Variants in CLPB observed in about 807,000 individuals in gnomAD.
CLPB encodes mitochondrial disaggregase.
In CLPB, 40 loss-of-function variants were observed where a neutral mutation model predicts 78.4. That is an observed-to-expected ratio of 0.51 (90% CI 0.40 to 0.66). The LOEUF is 0.66. Ranked by LOEUF, CLPB falls within the 30% of genes least tolerant of loss-of-function variation. CLPB has a pLI of 0.00. For synonymous variants in CLPB, 333 were observed against 348.0 expected (o/e 0.96, Z 0.48); for missense variants, 780 against 886.9 (o/e 0.88, Z 1.53).
At chr11:72,297,636 G>GGTGTGTGTGTGTGTGTGTGTGTGTGT (rs67807556) in intron 11 of CLPB, among the ~76,000 whole-genome samples, 2 of 93,468 alleles carry the variant, frequency 2.1e-5, no homozygotes, top group Non-Finnish European at 2.5e-5. Flanking sequence ...TTGGGGACCA[G>GGTGTGTGTGTGTGTGTGTGTGTGTGT]GTGTGTGTGT....
At chr11:72,321,436 C>T (rs1950042063) in intron 6 of CLPB, among the ~76,000 whole-genome samples, 1 of 152,232 alleles carries the variant, frequency 6.6e-6, no homozygotes, top group South Asian at 2.1e-4. Flanking sequence ...TGGGTAATTG[C>T]AGTCACTGGT....
At chr11:72,346,912 C>T (rs563276654) in intron 5 of CLPB, among the ~76,000 whole-genome samples, 143 of 144,208 alleles carry the variant, frequency 9.9e-4, no homozygotes, top group Admixed American at 1.8e-3. Context: ...ACCCGGGAGA[C>T]GGAGGTTGCG....
intron 5 of CLPB, chr11:72,354,282 T>C (rs982160628): frequency 1.9e-5 from 7 of 366,996 alleles, no homozygotes; most frequent in Admixed American, 1.9e-4. Flanking sequence ...TGTGTGTATA[T>C]ATATATATAT....
intron 4 of CLPB, among the ~76,000 whole-genome samples, chr11:72,373,470 G>C (rs1388564826): frequency 1.4e-4 from 22 of 152,198 alleles, no homozygotes; most frequent in Non-Finnish European, 5.9e-5. Context: ...CATGGGTAGG[G>C]CTCAAGGCAC....
chr11:72,329,750 C>A lies in CLPB; in HGVS notation c.830G>T (p.Arg277Leu), dbSNP rs377401155. Residue 277 changes from arginine to leucine, a missense_variant, in exon 6 of 16, where the codon CGA becomes CTA. Transcript: ENST00000538039. ...EMGHTPLDYAREGEVMKLLRT... is the reference protein window; with the variant it reads ...EMGHTPLDYALEGEVMKLLRT... Reference sequence around the variant, plus strand: ...CAGAAGCTTCATCACTTCCCCTTCTCGGGCATAATCCAAGGGTGTGTGTCC... The same window carrying A: ...CAGAAGCTTCATCACTTCCCCTTCTAGGGCATAATCCAAGGGTGTGTGTCC... 6.2e-7 allele frequency: 1 copy of A among 1,614,044 alleles called. No homozygotes were observed. The highest frequency in any genetic ancestry group is 1.1e-5 in the South Asian group (1 of 91,058).
intron 3 of CLPB, among the ~76,000 whole-genome samples, chr11:72,389,431 G>A (rs1464011013): frequency 6.6e-6 from 1 of 152,198 alleles, no homozygotes; most frequent in African/African-American, 2.4e-5. Flanking sequence ...TTGTAGGTGT[G>A]GGTTTCACTA....
Position 72,317,138 on chromosome 11 carries a change from C to T in CLPB, c.956G>A (p.Gly319Asp). ...LEQRLKEHII[G>D]QESAIATVGA... ...CACTGTGGCGATGGCGCTCTCCTGG[C>T]CAATGATGTGCTCCTTTAGTCGCTG... The change falls in exon 7 of 16, where the codon GGC becomes GAC. Residue 319 changes from glycine to aspartate, a missense_variant. Physicochemically the swap from Gly to Asp is moderately conservative, Grantham distance 94. This residue lies in a region of CLPB where 417 missense variants were observed against 414.7 expected (regional missense o/e 1.01). Coordinates refer to ENST00000538039, the MANE Select transcript of CLPB (RefSeq NM_001258392.3). 1.2e-6 allele frequency: 2 copies of T among 1,612,204 alleles called. No individual in the cohort carries two copies. The highest frequency in any genetic ancestry group is 1.7e-5 in the Admixed American group (1 of 59,868).
intron 5 of CLPB, among the ~76,000 whole-genome samples, chr11:72,337,900 C>T (rs1440179186): frequency 1.3e-5 from 2 of 152,184 alleles, no homozygotes; most frequent in African/African-American, 4.8e-5. Context: ...TTCAGGGCTT[C>T]CCTGTCTGGG....
At chr11:72,405,113 C>T (rs533280518) in intron 2 of CLPB, among the ~76,000 whole-genome samples, 1 of 152,284 alleles carries the variant, frequency 6.6e-6, no homozygotes, top group East Asian at 1.9e-4. Context: ...AAATCAGAGG[C>T]TTCTGACGGC....
At chr11:72,365,859 AG>A (rs1213576629) in intron 4 of CLPB, among the ~76,000 whole-genome samples, 4 of 152,230 alleles carry the variant, frequency 2.6e-5, no homozygotes, top group Admixed American at 6.5e-5. Context: ...ATCCACATGC[AG>A]AAGAATGAAG....
chr11:72,422,434 C>A (rs558389886), intron 2 of CLPB, among the ~76,000 whole-genome samples: 2 of 152,218 alleles, frequency 1.3e-5, no homozygotes, highest in South Asian at 4.1e-4. Context: ...TCTTTTAATT[C>A]TAAAACTCTT....
chr11:72,331,766 G>A (rs971542836), intron 5 of CLPB, among the ~76,000 whole-genome samples: 1 of 151,712 alleles, frequency 6.6e-6, no homozygotes, highest in Non-Finnish European at 1.5e-5. Flanking sequence ...TAGAGATGGG[G>A]TTTCATCATG....
chr11:72,367,990 TAAG>T (rs1950976086), intron 4 of CLPB, among the ~76,000 whole-genome samples: 1 of 152,182 alleles, frequency 6.6e-6, no homozygotes, highest in Non-Finnish European at 1.5e-5. Context: ...AAAATATATG[TAAG>T]AAGATAAGCA....
chr11:72,317,308 G>C, intron 6 of CLPB, 88 bp from the exon 7 acceptor site: 1 of 982,884 alleles, frequency 1.0e-6, no homozygotes, highest in Non-Finnish European at 1.5e-6. Flanking sequence ...GAAAACACAG[G>C]TCTGGGTATC....
chr11:72,358,720 G>C (rs1262282289), intron 5 of CLPB, among the ~76,000 whole-genome samples, 160 bp downstream of exon 5: 3 of 152,098 alleles, frequency 2.0e-5, no homozygotes, highest in East Asian at 1.9e-4. Context: ...CTAGCTCTAG[G>C]AGGATAACAG....
intron 4 of CLPB, among the ~76,000 whole-genome samples, chr11:72,362,894 G>A (rs1198843966): frequency 6.6e-6 from 1 of 152,148 alleles, no homozygotes; most frequent in East Asian, 1.9e-4. Flanking sequence ...AGTGGCTCAC[G>A]CCTGTAATCC....
chr11:72,302,084 T>C (rs1949666483), intron 10 of CLPB, 120 bp from the exon 11 acceptor site: 2 of 1,158,836 alleles, frequency 1.7e-6, no homozygotes, highest in Non-Finnish European at 2.5e-6. Context: ...ACAGAGATGA[T>C]TGGCTGTCCA....
chr11:72,411,614 C>T (rs937062635), intron 2 of CLPB: 1 of 152,188 alleles, frequency 6.6e-6, no homozygotes, highest in Non-Finnish European at 1.5e-5. Context: ...AGACAACTCC[C>T]CAGGCTCTGT....
rs772920188 is a variant in CLPB, at chr11:72,307,270, G to C, written c.1067-16C>G. The C allele has an allele frequency of 6.2e-7, 1 of 1,613,450 alleles. No homozygotes were observed. Among genetic ancestry groups the C allele is most frequent in the Non-Finnish European group, 8.5e-7 (1 of 1,179,520 alleles). ...TCTGTTTTTCCTAGTAAGAAAGAAGGGGGAGGTGTTGGGTTAGAACCAGGT... is the reference window on the plus strand; with the variant it reads ...TCTGTTTTTCCTAGTAAGAAAGAAGCGGGAGGTGTTGGGTTAGAACCAGGT... On this transcript the variant is annotated splice_polypyrimidine_tract_variant and intron_variant, in intron 8 of 15. Transcript: ENST00000538039.
Sources: gnomAD v4.1 joint callset for allele counts (sites outside exome capture counted in the v4.1 genomes callset) on GRCh38, gnomAD v4.1.1 for gene constraint, gnomAD v4.1.1 regional missense constraint, MANE v1.5 for transcripts, NCBI Gene and HGNC (gene_info 2026-07-23, HGNC 2026-07-21) for gene names.